RBPJ: variants seen among roughly 807,000 people sequenced by gnomAD.
The protein encoded by RBPJ is recombination signal binding protein for immunoglobulin kappa J region, also known as recombining binding protein suppressor of hairless.
Under a neutral mutation model 67.8 loss-of-function variants are expected in RBPJ, and 9 were observed. The observed-to-expected ratio is 0.13, with a 90% CI of 0.08 to 0.23. The LOEUF is 0.23. Among genes scored for constraint, RBPJ ranks in the 10% least tolerant of loss-of-function variants. The pLI is 1.00. For synonymous variants in RBPJ, 198 were observed against 203.3 expected, an observed-to-expected ratio of 0.97 and a Z score of 0.22; for missense variants, 305 against 595.6, an observed-to-expected ratio of 0.51 and a Z score of 5.08.
intron 1 of RBPJ, among the ~76,000 whole-genome samples, chr4:26,337,109 C>T (rs1724923060): frequency 6.6e-6 from 1 of 151,534 alleles, no homozygotes; most frequent in African/African-American, 2.4e-5. Context: ...TTACAGGCGA[C>T]AGCCACCATG....
At chr4:26,177,313 T>G (rs1392825915) in intron 1 of RBPJ, among the ~76,000 whole-genome samples, 1 of 152,200 alleles carries the variant, frequency 6.6e-6, no homozygotes, top group Non-Finnish European at 1.5e-5. Context: ...CAGTGGCTCA[T>G]GCCTGTAATC....
intron 1 of RBPJ, among the ~76,000 whole-genome samples, chr4:26,313,160 T>A (rs537196852): frequency 2.0e-5 from 3 of 152,292 alleles, no homozygotes; most frequent in Non-Finnish European, 1.5e-5. Flanking sequence ...TGGGCTCAAG[T>A]GATCTGCCTG....
intron 1 of RBPJ, among the ~76,000 whole-genome samples, chr4:26,199,924 T>A (rs1303803939): frequency 6.6e-6 from 1 of 152,234 alleles, no homozygotes; most frequent in East Asian, 1.9e-4. Context: ...GAGGTGATGC[T>A]ATGGCTCGTT....
intron 1 of RBPJ, among the ~76,000 whole-genome samples, chr4:26,244,161 A>C (rs867938273): frequency 0.013 from 1,531 of 115,394 alleles, 37 homozygotes; most frequent in African/African-American, 0.027. Context: ...ATATATGTAT[A>C]TATATATGTA....
chr4:26,356,747 A>G (rs1440225681), intron 1 of RBPJ, among the ~76,000 whole-genome samples: 1 of 152,230 alleles, frequency 6.6e-6, no homozygotes, highest in Non-Finnish European at 1.5e-5. Flanking sequence ...CTCTTTTAGA[A>G]ACAACACTGC....
At chr4:26,417,394 A>G (rs530429683) in intron 4 of RBPJ, among the ~76,000 whole-genome samples, 1 of 152,260 alleles carries the variant, frequency 6.6e-6, no homozygotes, top group South Asian at 2.1e-4. Flanking sequence ...TTTTCATTAT[A>G]TCTTTCTTCA....
At chr4:26,408,753 T>G (rs559479868) in intron 3 of RBPJ, among the ~76,000 whole-genome samples, 1 of 152,352 alleles carries the variant, frequency 6.6e-6, no homozygotes, top group South Asian at 2.1e-4. Context: ...TGACATTAGT[T>G]AGGAATCTGT....
chr4:26,315,167 A>AAAAAATAT (rs1325689348), upstream of RBPJ, among the ~76,000 whole-genome samples: 44 of 74,752 alleles, frequency 5.9e-4, no homozygotes, highest in Non-Finnish European at 7.1e-4. Flanking sequence ...AAAAAAAAAA[A>AAAAAATAT]ATATATATAT....
In RBPJ at chr4:26,214,710, AAG is replaced by A. The variant is rs1560213872; in HGVS notation, c.-167+51097_-167+51098del. On this transcript the variant is annotated intron_variant, in intron 1 of 4. Transcript: ENST00000512351. ...AGAGGGAGGAAGGATGGAAGGAAGGAAGGAGAGAGAGAGAAAGAAAGAGGGAA... is the reference window on the plus strand; with the variant it reads ...AGAGGGAGGAAGGATGGAAGGAAGGAGAGAGAGAGAGAAAGAAAGAGGGAA... Among the ~76,000 whole-genome samples the A allele has an allele frequency of 7.5e-3, 539 of 71,532 alleles. 16 individuals carry two copies. The highest frequency in any genetic ancestry group is 0.031 in the African/African-American group (500 of 15,996). The allele number at this position is 71,532 out of a possible 152,430, so 46.9% of individuals were successfully genotyped here. A position where few individuals can be genotyped will look rare whatever the true frequency, so the allele number is the denominator to read the frequency against.
the RBPJ span, among the ~76,000 whole-genome samples, chr4:26,137,992 T>A: frequency 6.6e-6 from 1 of 152,202 alleles, no homozygotes; most frequent in African/African-American, 2.4e-5. Context: ...GTGTGATTTC[T>A]CAAACATATC....
chr4:26,402,704 C>T (rs1445061533), intron 2 of RBPJ, among the ~76,000 whole-genome samples: 1 of 152,162 alleles, frequency 6.6e-6, no homozygotes, highest in African/African-American at 2.4e-5. Context: ...TCCTTTAATA[C>T]ATTTTCTTCT....
chr4:26,270,437 G>GAAGA (rs1553855392), intron 1 of RBPJ, among the ~76,000 whole-genome samples: 1,714 of 30,144 alleles, frequency 0.057, 207 homozygotes, highest in Non-Finnish European at 0.12. Flanking sequence ...AAGAAAGAAA[G>GAAGA]AAGAAAGAAA....
intron 1 of RBPJ, among the ~76,000 whole-genome samples, chr4:26,263,864 C>CTGGCAGA: frequency 6.7e-6 from 1 of 150,240 alleles, no homozygotes; most frequent in Non-Finnish European, 1.5e-5. Flanking sequence ...GCCACAGCAC[C>CTGGCAGA]CAGTCTTTTT....
chr4:26,327,542 GTTTTTTTTTTTT>G (rs11350013), intron 1 of RBPJ, among the ~76,000 whole-genome samples: 2 of 104,902 alleles, frequency 1.9e-5, no homozygotes, highest in East Asian at 3.3e-4. Context: ...GACCCTGGAG[GTTTTTTTTTTTT>G]TTTTTTTTTT....
intron 2 of RBPJ, among the ~76,000 whole-genome samples, chr4:26,389,218 G>A (rs1392580159): frequency 6.6e-6 from 1 of 151,190 alleles, no homozygotes; most frequent in Non-Finnish European, 1.5e-5. Flanking sequence ...GACAGAGTGA[G>A]ACCCCATCTA....
At chr4:26,156,252 T>C in the RBPJ span, among the ~76,000 whole-genome samples, 2 of 152,192 alleles carry the variant, frequency 1.3e-5, no homozygotes, top group African/African-American at 4.8e-5. Context: ...CTGATATTTA[T>C]GAATACCAGC....
At chr4:26,112,544 C>CTG in the RBPJ span, 1 of 102,304 alleles carries the variant, frequency 9.8e-6, no homozygotes, top group Non-Finnish European at 1.8e-5. Flanking sequence ...AGGAGGCAGC[C>CTG]TTTTTTTTTT....
intron 3 of RBPJ, among the ~76,000 whole-genome samples, chr4:26,412,166 C>T (rs941254816): frequency 9.3e-5 from 14 of 150,446 alleles, no homozygotes; most frequent in Admixed American, 3.3e-4. Flanking sequence ...GATTTGACTA[C>T]TGTATTTGGC....
chr4:26,347,824 A>T (rs1272185004), intron 1 of RBPJ, among the ~76,000 whole-genome samples: 1 of 152,196 alleles, frequency 6.6e-6, no homozygotes, highest in Non-Finnish European at 1.5e-5. Flanking sequence ...TCATGTGTTA[A>T]TGAAAAGCCT....
Sources: allele counts gnomAD v4.1 joint callset (sites outside exome capture counted in the v4.1 genomes callset), GRCh38; gene constraint gnomAD v4.1.1; transcripts MANE v1.5; gene names NCBI Gene and HGNC (gene_info 2026-07-23, HGNC 2026-07-21).